ST6GAL1: variants seen among roughly 807,000 people sequenced by gnomAD.
The protein encoded by ST6GAL1 is ST6 beta-galactoside alpha-2,6-sialyltransferase 1, also known as beta-galactoside alpha-2,6-sialyltransferase 1.
In ST6GAL1, 20 loss-of-function variants were observed where a neutral mutation model predicts 38.0. That is an observed-to-expected ratio of 0.53 (90% CI 0.37 to 0.77). ST6GAL1 has a LOEUF of 0.77. Among genes scored for constraint, ST6GAL1 ranks in the 30% least tolerant of loss-of-function variants. The probability of loss-of-function intolerance (pLI) is 0.00; values close to 1 mark genes in which losing one functional copy is unlikely to be tolerated. For synonymous variants in ST6GAL1, 196 were observed against 188.2 expected, an observed-to-expected ratio of 1.04 and a Z score of -0.34; for missense variants, 432 against 496.4, an observed-to-expected ratio of 0.87 and a Z score of 1.23.
intron 4 of ST6GAL1, among the ~76,000 whole-genome samples, chr3:187,045,122 C>T (rs1251983953): frequency 1.3e-5 from 2 of 152,202 alleles, no homozygotes; most frequent in East Asian, 3.8e-4. Context: ...TTTGTTGAGT[C>T]TCTTCCCAAC....
chr3:186,991,629 C>G (rs557509466), intron 2 of ST6GAL1, among the ~76,000 whole-genome samples: 2 of 152,190 alleles, frequency 1.3e-5, no homozygotes, highest in Non-Finnish European at 2.9e-5. Flanking sequence ...TCTGGCCTCT[C>G]CGAGTCTCAC....
chr3:187,038,197 CTTTTTTTTTTT>C, intron 2 of ST6GAL1, among the ~76,000 whole-genome samples: 1 of 88,570 alleles, frequency 1.1e-5, no homozygotes, highest in Middle Eastern at 6.7e-3. Flanking sequence ...AAGTCTATTT[CTTTTTTTTTTT>C]TTTTTTTTTT....
chr3:187,023,941 T>C (rs1279871733), intron 2 of ST6GAL1, among the ~76,000 whole-genome samples: 3 of 151,476 alleles, frequency 2.0e-5, no homozygotes, highest in Non-Finnish European at 4.4e-5. Flanking sequence ...GTGTAAGTTT[T>C]CTTACAGGCC....
At chr3:187,037,607 G>A (rs1031549852) in intron 2 of ST6GAL1, among the ~76,000 whole-genome samples, 3 of 152,110 alleles carry the variant, frequency 2.0e-5, no homozygotes, top group African/African-American at 7.2e-5. Context: ...TTTAGAGACA[G>A]GTTCACTCTG....
chr3:187,003,879 A>G lies in ST6GAL1; in HGVS notation c.-182-34863A>G, dbSNP rs545081538. 2.0e-5 allele frequency among the ~76,000 whole-genome samples: 3 copies of G among 152,342 alleles called. No homozygotes were observed. In the East Asian group the frequency reaches 5.8e-4, roughly 29 times the overall value. ...TTGGTCCTCGTAAGGGTTCTTAGAA[A>G]GAGACAGAAGAGCTATTATTTCTAC... On this transcript the variant is annotated intron_variant, in intron 2 of 7. Coordinates refer to ENST00000169298, the MANE Select transcript of ST6GAL1 (RefSeq NM_173216.2).
At chr3:187,046,213 T>A (rs1041005392) in intron 4 of ST6GAL1, among the ~76,000 whole-genome samples, 13 of 152,170 alleles carry the variant, frequency 8.5e-5, no homozygotes, top group African/African-American at 3.1e-4. Context: ...GCTCATGAAG[T>A]AAGAGGCAGA....
intron 5 of ST6GAL1, among the ~76,000 whole-genome samples, chr3:187,052,110 G>A (rs1442949738): frequency 6.6e-6 from 1 of 152,040 alleles, no homozygotes; most frequent in East Asian, 1.9e-4. Context: ...GGCATGGGGT[G>A]GATCCTGGAA....
chr3:187,048,880 A>ATTTTTTTTTTTTTTTTTTTTTT (rs374148828), intron 4 of ST6GAL1, among the ~76,000 whole-genome samples: 3 of 115,446 alleles, frequency 2.6e-5, no homozygotes, highest in Admixed American at 8.6e-5. Flanking sequence ...GAGAAATTGA[A>ATTTTTTTTTTTTTTTTTTTTTT]TTTTTTTTTT....
intron 2 of ST6GAL1, among the ~76,000 whole-genome samples, chr3:186,975,669 G>A (rs1715499252): frequency 2.0e-5 from 3 of 152,212 alleles, no homozygotes; most frequent in Admixed American, 1.3e-4. Context: ...CCAGGAGGAA[G>A]GAGAGGATCC....
chr3:186,980,427 C>T (rs1199126436), intron 2 of ST6GAL1, among the ~76,000 whole-genome samples: 2 of 152,010 alleles, frequency 1.3e-5, no homozygotes, highest in African/African-American at 2.4e-5. Flanking sequence ...AAAGAATATA[C>T]GTCTTTAAAA....
At chr3:186,971,796 G>T (rs778210911) in intron 2 of ST6GAL1, among the ~76,000 whole-genome samples, 6 of 152,290 alleles carry the variant, frequency 3.9e-5, no homozygotes, top group Non-Finnish European at 7.3e-5. Flanking sequence ...TTCCTCCCTG[G>T]TGCCAGCGTG....
intron 5 of ST6GAL1, among the ~76,000 whole-genome samples, chr3:187,067,411 T>C (rs1719203765): frequency 6.6e-6 from 1 of 150,542 alleles, no homozygotes. Context: ...TTTTTTTTTT[T>C]TTTTGGTAGA....
intron 1 of ST6GAL1, among the ~76,000 whole-genome samples, chr3:186,938,087 G>GAAATA (rs1176177049): frequency 3.3e-4 from 50 of 152,222 alleles, no homozygotes; most frequent in African/African-American, 1.2e-3. Context: ...GAAATGAAAT[G>GAAATA]AAATAAAATA....
intron 2 of ST6GAL1, among the ~76,000 whole-genome samples, chr3:187,034,656 T>C (rs189715972): frequency 6.6e-6 from 1 of 152,222 alleles, no homozygotes; most frequent in African/African-American, 2.4e-5. Context: ...ACAAAAGCCA[T>C]ATGATCATCT....
At chr3:186,938,766 C>G (rs1714053213) in intron 1 of ST6GAL1, among the ~76,000 whole-genome samples, 1 of 151,922 alleles carries the variant, frequency 6.6e-6, no homozygotes, top group South Asian at 2.1e-4. Flanking sequence ...TATCATATCC[C>G]TTGGCTTCAA....
At chr3:186,936,977 A>T (rs13064814) in intron 1 of ST6GAL1, among the ~76,000 whole-genome samples, 6 of 145,074 alleles carry the variant, frequency 4.1e-5, no homozygotes, top group Admixed American at 1.4e-4. Context: ...AAGCTTGACC[A>T]TTGAGGATAA....
intron 5 of ST6GAL1, among the ~76,000 whole-genome samples, chr3:187,057,915 GGCAGCAGGCCTGGCTGACCT>G (rs1413149602): frequency 6.6e-6 from 1 of 152,192 alleles, no homozygotes; most frequent in African/African-American, 2.4e-5. Flanking sequence ...AGTCTACAGA[GGCAGCAGGCCTGGCTGACCT>G]GCAGTGGGCT....
At chr3:186,937,426 A>G (rs1714001091) in intron 1 of ST6GAL1, among the ~76,000 whole-genome samples, 1 of 152,304 alleles carries the variant, frequency 6.6e-6, no homozygotes. Context: ...AGGCCTGCAC[A>G]TGGCCTTGAG....
chr3:187,056,275 C>G (rs1233571800), intron 5 of ST6GAL1, among the ~76,000 whole-genome samples: 1 of 152,142 alleles, frequency 6.6e-6, no homozygotes, highest in Non-Finnish European at 1.5e-5. Flanking sequence ...CAGCCTGTAT[C>G]TTTCAACTGG....
Sources: allele counts gnomAD v4.1 joint callset (sites outside exome capture counted in the v4.1 genomes callset), GRCh38; gene constraint gnomAD v4.1.1; transcripts MANE v1.5; gene names NCBI Gene and HGNC (gene_info 2026-07-23, HGNC 2026-07-21).